ALKBH8: variants seen among roughly 807,000 people sequenced by gnomAD.
ALKBH8 encodes alkB homolog 8, tRNA methyltransferase, also known as tRNA (carboxymethyluridine(34)-5-O)-methyltransferase ALKBH8.
A neutral mutation model predicts 59.8 loss-of-function variants in ALKBH8; 36 were observed. That is an observed-to-expected ratio of 0.60 (90% confidence interval 0.46 to 0.79). The LOEUF (loss-of-function observed/expected upper bound fraction) is 0.79, where lower values mean the gene tolerates loss of function less well. ALKBH8 is among the 30% of genes least tolerant of loss of function. The pLI is 0.00. For missense variants in ALKBH8, 768 were observed against 801.0 expected (o/e 0.96, Z 0.50); for synonymous variants, 276 against 273.6 (o/e 1.01, Z -0.09).
At chr11:107,561,666 A>T (rs1360655953) in intron 1 of ALKBH8, among the ~76,000 whole-genome samples, 1 of 152,210 alleles carries the variant, frequency 6.6e-6, no homozygotes, top group South Asian at 2.1e-4. Flanking sequence ...TTATCACAGT[A>T]GTCTTTTATT....
intron 7 of ALKBH8, among the ~76,000 whole-genome samples, chr11:107,534,560 G>A (rs946374894): frequency 7.2e-5 from 11 of 152,042 alleles, no homozygotes; most frequent in African/African-American, 2.2e-4. Flanking sequence ...TCCCATCAAC[G>A]GACAGTAGTG....
In ALKBH8 at chr11:107,556,875, T is replaced by A. The variant is rs750592888; in HGVS notation, c.258A>T (p.Arg86Ser). The A allele has an allele frequency of 1.9e-6, 3 of 1,609,522 alleles. No individual in the cohort carries two copies. Among genetic ancestry groups the A allele is most frequent in the Admixed American group, 1.7e-5 (1 of 59,396 alleles). ...TCTTAGATTCTTCTGTAGTTCTGTA[T>A]CTTGCAAATGAGTACGGCTTGTTAG... ...MPPNKPYSFA[R>S]YRTTEESKRA... Residue 86 changes from arginine to serine, a missense_variant, in exon 3 of 12, where the codon AGA becomes AGT. Coordinates refer to ENST00000428149, the MANE Select transcript of ALKBH8 (RefSeq NM_138775.3).
intron 1 of ALKBH8, chr11:107,563,469 G>A (rs1052650077): frequency 1.3e-5 from 2 of 152,026 alleles, no homozygotes; most frequent in Non-Finnish European, 2.9e-5. Context: ...TCTTTATCTA[G>A]GAATAGGGAT....
intron 7 of ALKBH8, among the ~76,000 whole-genome samples, chr11:107,546,919 A>T (rs910121221): frequency 6.6e-6 from 1 of 152,206 alleles, no homozygotes. Flanking sequence ...GTAATAAAGC[A>T]TTGAAGAATT....
At chr11:107,532,452 T>C (rs751458427) in intron 7 of ALKBH8, 46 bp from the exon 8 acceptor site, 7 of 1,426,228 alleles carry the variant, frequency 4.9e-6, no homozygotes, top group Admixed American at 3.4e-5. Context: ...AAATTTCATA[T>C]ACTCCAAGGA....
At chr11:107,537,958 T>C (rs990132614) in intron 7 of ALKBH8, among the ~76,000 whole-genome samples, 1 of 152,130 alleles carries the variant, frequency 6.6e-6, no homozygotes, top group Non-Finnish European at 1.5e-5. Context: ...TCCTATGTTT[T>C]GAATAAGGAG....
At chr11:107,565,228 C>CTG (rs1287617111) in intron 1 of ALKBH8, 1 of 282,774 alleles carries the variant, frequency 3.5e-6, no homozygotes, top group East Asian at 8.4e-5. Context: ...CGCAAGGGAT[C>CTG]AGATCATCAG....
At chr11:107,542,199 C>T (rs1168495297) in intron 7 of ALKBH8, among the ~76,000 whole-genome samples, 2 of 152,036 alleles carry the variant, frequency 1.3e-5, no homozygotes, top group African/African-American at 4.8e-5. Context: ...AAAACTCAAT[C>T]TACAGATTCA....
At chr11:107,516,585 T>A (rs1565316747) in intron 10 of ALKBH8, among the ~76,000 whole-genome samples, 1 of 152,132 alleles carries the variant, frequency 6.6e-6, no homozygotes, top group Non-Finnish European at 1.5e-5. Flanking sequence ...CAAAGTTAAC[T>A]AAAGCAAAAA....
At chr11:107,565,302 A>G in intron 1 of ALKBH8, 1 of 510,298 alleles carries the variant, frequency 2.0e-6, no homozygotes, top group Non-Finnish European at 3.5e-6. Flanking sequence ...CAGAAGCGCC[A>G]CACTAACACG....
At position 107,551,789 on chromosome 11, in the gene ALKBH8, T is replaced by G; in HGVS notation, c.700+19A>C. ...GTTCCAAAATATGTGACTAAAATTT[T>G]TGAACAAGAAATACTCACCTTGCCC... On this transcript the variant is annotated intron_variant, in intron 6 of 11. Transcript: ENST00000428149. 1 of 1,501,132 alleles carries G rather than the reference T, an allele frequency of 6.7e-7. No homozygotes were observed. 93.0% of individuals were successfully genotyped at this position (1,501,132 alleles called of 1,614,324 possible).
chr11:107,537,293 T>C (rs971970873), intron 7 of ALKBH8, among the ~76,000 whole-genome samples: 2 of 152,122 alleles, frequency 1.3e-5, no homozygotes, highest in Non-Finnish European at 2.9e-5. Context: ...AGCAAAGACA[T>C]GGAATCAATG....
chr11:107,515,740 A>G (rs1012812073), intron 10 of ALKBH8, among the ~76,000 whole-genome samples: 4 of 152,164 alleles, frequency 2.6e-5, no homozygotes, highest in African/African-American at 9.7e-5. Context: ...AAAAAATTCA[A>G]CCTGATAAGC....
intron 2 of ALKBH8, among the ~76,000 whole-genome samples, chr11:107,557,505 G>A (rs919478814): frequency 4.6e-5 from 7 of 152,084 alleles, no homozygotes; most frequent in Admixed American, 2.0e-4. Flanking sequence ...GATTAGGGGT[G>A]GGTTTAAACC....
rs547073576 is a variant in ALKBH8 at position 107,525,843 on chromosome 11, A to G, written c.879-251T>C. Among the ~76,000 whole-genome samples, 25 of 152,128 alleles carry G rather than the reference A, an allele frequency of 1.6e-4. 1 individual carries two copies. Among genetic ancestry groups the G allele is most frequent in the African/African-American group, 4.8e-4 (20 of 41,574 alleles). The stretch of plus-strand genomic sequence containing the variant: ...GGAAAATAAAATAAATATTTAATTA[A>G]CACCAATTCTAAAAAAAACAAAAAA... On this transcript the variant is annotated intron_variant, in intron 8 of 11. Coordinates refer to ENST00000428149, the MANE Select transcript of ALKBH8 (RefSeq NM_138775.3).
At chr11:107,541,139 C>A (rs1864017349) in intron 7 of ALKBH8, among the ~76,000 whole-genome samples, 1 of 152,124 alleles carries the variant, frequency 6.6e-6, no homozygotes, top group South Asian at 2.1e-4. Flanking sequence ...CTTAATATAG[C>A]ATCTACCACA....
Position 107,553,273 on chromosome 11 carries a change from C to T in ALKBH8, c.500-70G>A, listed in dbSNP as rs1445232368. The T allele has an allele frequency of 8.8e-6, 9 of 1,028,396 alleles. No individual in the cohort carries two copies. In the East Asian group the frequency reaches 2.4e-4, roughly 27 times the overall value. The allele number at this position is 1,028,396 out of a possible 1,614,324, so 63.7% of individuals were successfully genotyped here. A position where few individuals can be genotyped will look rare whatever the true frequency, so the allele number is the denominator to read the frequency against. ...ACATTCCTTTGCATATTTCAGTCAACTTTTTGAGTAAGGATTAGTTTAGTA... is the reference window on the plus strand; with the variant it reads ...ACATTCCTTTGCATATTTCAGTCAATTTTTTGAGTAAGGATTAGTTTAGTA... On this transcript the variant is annotated intron_variant, in intron 4 of 11. Transcript: ENST00000428149.
rs1235836361 is a variant in ALKBH8, at chr11:107,504,498, TTGAA to T, written c.*156_*159del. 4.7e-6 allele frequency: 4 copies of T among 854,460 alleles called. No individual in the cohort carries two copies. The highest frequency in any genetic ancestry group is 7.6e-6 in the Non-Finnish European group (4 of 525,018). The allele number at this position is 854,460 out of a possible 1,614,324, so 52.9% of individuals were successfully genotyped here. ...TGTGATGTCAGCCAACAGGAGACAT[TTGAA>T]TGTCTCCTAATGAATCCCTACTTCC... On this transcript the variant is annotated 3_prime_UTR_variant, in exon 12 of 12. Transcript: ENST00000428149.
chr11:107,503,066 C>T lies in ALKBH8; in HGVS notation c.*1592G>A, dbSNP rs878983126. The T allele has an allele frequency of 1.3e-5, 2 of 152,150 alleles. No individual in the cohort carries two copies. The highest frequency in any genetic ancestry group is 4.1e-4 in the South Asian group (2 of 4,830). 9.4% of individuals were successfully genotyped at this position (152,150 alleles called of 1,614,324 possible). On this transcript the variant is annotated 3_prime_UTR_variant, in exon 12 of 12. Transcript: ENST00000428149. ...TTTCAACATCTTCCATTTTCTCTCC[C>T]TTCTTGAGTCAATTTTGGTATTTTT...
Sources: gnomAD v4.1 joint callset for allele counts (sites outside exome capture counted in the v4.1 genomes callset) on GRCh38, gnomAD v4.1.1 for gene constraint, MANE v1.5 for transcripts, NCBI Gene and HGNC (gene_info 2026-07-23, HGNC 2026-07-21) for gene names.